The following PPFIBP2 variants were observed in gnomAD, a reference collection of about 807,000 sequenced individuals.
PPFIBP2 encodes PPFIB scaffold protein 2.
PPFIBP2 carries 118 observed loss-of-function variants against 118.3 expected under a neutral mutation model. The ratio of observed to expected loss-of-function variants is 1.00; its 90% CI spans 0.86 to 1.16. PPFIBP2 has a LOEUF of 1.16. Ranked by LOEUF, PPFIBP2 falls within the 50% of genes most tolerant of loss-of-function variation. PPFIBP2 has a pLI of 0.00. For missense variants in PPFIBP2, 1,195 were observed against 1,073.1 expected, an observed-to-expected ratio of 1.11 and a Z score of -1.59; for synonymous variants, 414 against 397.4, an observed-to-expected ratio of 1.04 and a Z score of -0.50.
chr11:7,532,991 C>T (rs111487189), intron 1 of PPFIBP2, among the ~76,000 whole-genome samples: 172 of 151,654 alleles, frequency 1.1e-3, no homozygotes, highest in African/African-American at 3.8e-3. Flanking sequence ...GCAAAAGTTA[C>T]GCACGCTCCA....
intron 3 of PPFIBP2, among the ~76,000 whole-genome samples, chr11:7,591,296 G>A (rs76832224): frequency 0.02 from 3,039 of 151,898 alleles, 131 homozygotes; most frequent in African/African-American, 0.071. Context: ...GAGAATGGGC[G>A]GCTGCCAGTG....
chr11:7,581,473 G>T (rs1308597752), intron 3 of PPFIBP2, among the ~76,000 whole-genome samples: 1 of 152,114 alleles, frequency 6.6e-6, no homozygotes, highest in Non-Finnish European at 1.5e-5. Flanking sequence ...AGGTTCTGCA[G>T]TAAAAAGTGG....
At chr11:7,537,074 C>T (rs549997583) in intron 1 of PPFIBP2, among the ~76,000 whole-genome samples, 27 of 152,242 alleles carry the variant, frequency 1.8e-4, no homozygotes, top group African/African-American at 6.0e-4. Flanking sequence ...CCCGCCTCCT[C>T]CTCCTACGTT....
intron 3 of PPFIBP2, among the ~76,000 whole-genome samples, chr11:7,579,905 C>T (rs1857010151): frequency 6.6e-6 from 1 of 151,850 alleles, no homozygotes; most frequent in East Asian, 1.9e-4. Flanking sequence ...AGTATTTTCA[C>T]TATTCTCTAC....
chr11:7,605,726 TA>T (rs1847259668), intron 5 of PPFIBP2: 1 of 1,347,952 alleles, frequency 7.4e-7, no homozygotes, highest in African/African-American at 1.5e-5. Flanking sequence ...ACTAAGTAAC[TA>T]GTGGCCGCAG....
intron 1 of PPFIBP2, among the ~76,000 whole-genome samples, chr11:7,523,424 G>A (rs985813931): frequency 3.9e-5 from 6 of 152,250 alleles, no homozygotes; most frequent in Non-Finnish European, 7.3e-5. Context: ...GGGAGCCAAC[G>A]TTGAAGGAAA....
At chr11:7,547,900 G>A (rs952332615) in intron 1 of PPFIBP2, among the ~76,000 whole-genome samples, 6 of 151,994 alleles carry the variant, frequency 3.9e-5, no homozygotes, top group Non-Finnish European at 5.9e-5. Flanking sequence ...CATGCCTGCC[G>A]CCTCCAAACG....
chr11:7,580,116 A>C (rs1857047775), intron 3 of PPFIBP2, among the ~76,000 whole-genome samples: 1 of 152,056 alleles, frequency 6.6e-6, no homozygotes, highest in Non-Finnish European at 1.5e-5. Flanking sequence ...TTTATCTTTT[A>C]TATCTACCCT....
chr11:7,548,931 C>T (rs923518772), intron 1 of PPFIBP2, among the ~76,000 whole-genome samples: 6 of 152,198 alleles, frequency 3.9e-5, no homozygotes, highest in Non-Finnish European at 8.8e-5. Context: ...TGAGCCCTCT[C>T]AGCCTGGCTC....
Position 7,630,573 on chromosome 11 carries a change from A to G in PPFIBP2, c.965-352A>G, listed in dbSNP as rs550504531. ...GTGATCCGCCTGCCTCAGCCTCCCA[A>G]AGTGCTGAGATTACAGGCGTGAGCC... On this transcript the variant is annotated intron_variant, in intron 10 of 23. Transcript: ENST00000299492. Among the ~76,000 whole-genome samples, 3 of 152,308 alleles carry G rather than the reference A, an allele frequency of 2.0e-5. No homozygotes were observed. The South Asian group carries it at 6.2e-4, about 32-fold the overall frequency.
At chr11:7,608,517 G>A (rs746687341) in intron 5 of PPFIBP2, among the ~76,000 whole-genome samples, 2 of 152,208 alleles carry the variant, frequency 1.3e-5, no homozygotes, top group Non-Finnish European at 2.9e-5. Context: ...GCATGCGCCT[G>A]TAATCCCGGC....
intron 21 of PPFIBP2, among the ~76,000 whole-genome samples, chr11:7,650,047 C>T (rs978248129): frequency 1.3e-5 from 2 of 152,170 alleles, no homozygotes; most frequent in African/African-American, 4.8e-5. Context: ...GAATAGGTAT[C>T]CCTACTTGTA....
chr11:7,589,408 G>A (rs151037857), intron 3 of PPFIBP2, among the ~76,000 whole-genome samples: 294 of 152,080 alleles, frequency 1.9e-3, no homozygotes, highest in African/African-American at 6.7e-3. Context: ...CCTGGCCAAC[G>A]TGGTGAAACC....
intron 5 of PPFIBP2, chr11:7,605,592 TGA>T (rs1847242362): frequency 1.7e-6 from 1 of 592,136 alleles, no homozygotes; most frequent in South Asian, 7.0e-5. Context: ...GTTACAGGGA[TGA>T]GATCCCATGA....
At chr11:7,555,549 A>G (rs1427286498) in intron 2 of PPFIBP2, among the ~76,000 whole-genome samples, 1 of 152,208 alleles carries the variant, frequency 6.6e-6, no homozygotes, top group African/African-American at 2.4e-5. Flanking sequence ...AGCAGCATAT[A>G]GCATTCATCA....
At chr11:7,628,630 C>T (rs189543954) in intron 9 of PPFIBP2, among the ~76,000 whole-genome samples, 1 of 152,254 alleles carries the variant, frequency 6.6e-6, no homozygotes, top group East Asian at 1.9e-4. Context: ...TGATCACTGC[C>T]AATATCATAG....
intron 3 of PPFIBP2, among the ~76,000 whole-genome samples, chr11:7,584,339 C>T (rs1857734151): frequency 6.6e-6 from 1 of 152,126 alleles, no homozygotes; most frequent in African/African-American, 2.4e-5. Context: ...GGATGATAGC[C>T]TCATCAGCAA....
At chr11:7,518,093 G>A (rs1251415643) in intron 1 of PPFIBP2, among the ~76,000 whole-genome samples, 2 of 152,222 alleles carry the variant, frequency 1.3e-5, no homozygotes, top group African/African-American at 2.4e-5. Flanking sequence ...CCCTGATGGC[G>A]GAGGCAGGCA....
At chr11:7,570,242 G>A (rs1037112610) in intron 3 of PPFIBP2, among the ~76,000 whole-genome samples, 7 of 152,188 alleles carry the variant, frequency 4.6e-5, no homozygotes, top group Non-Finnish European at 7.4e-5. Flanking sequence ...GGCTCTACAG[G>A]GCTGGGGATA....
Sources: gnomAD v4.1 joint callset for allele counts (sites outside exome capture counted in the v4.1 genomes callset) on GRCh38, gnomAD v4.1.1 for gene constraint, MANE v1.5 for transcripts, NCBI Gene and HGNC (gene_info 2026-07-23, HGNC 2026-07-21) for gene names.